ADCY5: variants seen among roughly 807,000 people sequenced by gnomAD.
ADCY5 encodes the protein adenylate cyclase 5, also known as adenylate cyclase type 5.
A neutral mutation model predicts 119.7 loss-of-function variants in ADCY5; 30 were observed. The observed-to-expected ratio is 0.25, with a 90% confidence interval of 0.19 to 0.34. ADCY5 has a LOEUF of 0.34. Ranked by LOEUF, ADCY5 falls within the 10% of genes least tolerant of loss-of-function variation. ADCY5 has a pLI of 1.00. For missense variants in ADCY5, 1,324 were observed against 1,775.2 expected (o/e 0.75, Z 4.57); for synonymous variants, 753 against 762.2 (o/e 0.99, Z 0.20).
intron 2 of ADCY5, among the ~76,000 whole-genome samples, chr3:123,349,830 C>T (rs763696087): frequency 1.3e-5 from 2 of 152,224 alleles, no homozygotes; most frequent in Non-Finnish European, 2.9e-5. Flanking sequence ...CTTTGCTTGT[C>T]TCCAAGCTTG....
intron 3 of ADCY5, among the ~76,000 whole-genome samples, chr3:123,341,856 T>G (rs191854531): frequency 1.3e-5 from 2 of 152,046 alleles, no homozygotes; most frequent in Admixed American, 6.5e-5. Flanking sequence ...AGTAAATGTT[T>G]GTGGAATGAC....
At chr3:123,381,553 T>C (rs1302767467) in intron 1 of ADCY5, among the ~76,000 whole-genome samples, 1 of 152,248 alleles carries the variant, frequency 6.6e-6, no homozygotes, top group Non-Finnish European at 1.5e-5. Flanking sequence ...GCTTCATGCA[T>C]GTGTGATCTG....
At chr3:123,338,225 G>A (rs898677177) in intron 3 of ADCY5, among the ~76,000 whole-genome samples, 6 of 152,190 alleles carry the variant, frequency 3.9e-5, no homozygotes, top group African/African-American at 1.4e-4. Flanking sequence ...CCAGGAAAGA[G>A]CCACTCAAAG....
intron 5 of ADCY5, among the ~76,000 whole-genome samples, chr3:123,329,322 G>T (rs926844391): frequency 6.6e-6 from 1 of 152,190 alleles, no homozygotes; most frequent in Admixed American, 6.5e-5. Context: ...GGTATGGCCT[G>T]CTCAGGAGGG....
intron 14 of ADCY5, 107 bp downstream of exon 14, chr3:123,302,948 G>A (rs1939928412): frequency 5.9e-6 from 8 of 1,359,080 alleles, no homozygotes; most frequent in Non-Finnish European, 6.1e-6. Context: ...AGAAGACAGT[G>A]AGCTGGTGAG....
intron 1 of ADCY5, among the ~76,000 whole-genome samples, chr3:123,441,478 AC>A (rs1384276489): frequency 6.6e-6 from 1 of 152,058 alleles, no homozygotes; most frequent in Non-Finnish European, 1.5e-5. Context: ...GCTGCTGCAA[AC>A]CCAATGGCTA....
chr3:123,380,323 C>T (rs900485236), intron 1 of ADCY5, among the ~76,000 whole-genome samples: 1 of 152,246 alleles, frequency 6.6e-6, no homozygotes, highest in African/African-American at 2.4e-5. Context: ...TGGATTCCAT[C>T]CCATCCCCCA....
chr3:123,324,288 A>G (rs1351348167), intron 8 of ADCY5, among the ~76,000 whole-genome samples: 2 of 151,970 alleles, frequency 1.3e-5, no homozygotes, highest in African/African-American at 4.8e-5. Flanking sequence ...CTGGATTTCC[A>G]GGGAGTCCGT....
At chr3:123,291,702 C>T (rs1939164572) in intron 17 of ADCY5, among the ~76,000 whole-genome samples, 1 of 152,222 alleles carries the variant, frequency 6.6e-6, no homozygotes. Flanking sequence ...AGGATCCTGT[C>T]TGCCAAAGGC....
intron 1 of ADCY5, among the ~76,000 whole-genome samples, chr3:123,396,578 G>T (rs187322774): frequency 0.014 from 1,462 of 106,662 alleles, 11 homozygotes; most frequent in Admixed American, 0.039. Context: ...GGAAGAAAAA[G>T]AAAAGAAAAG....
intron 1 of ADCY5, among the ~76,000 whole-genome samples, chr3:123,425,707 A>AT (rs1945392331): frequency 6.9e-6 from 1 of 145,874 alleles, no homozygotes; most frequent in Non-Finnish European, 1.5e-5. Context: ...GGCCCAGCCC[A>AT]CCCCCCAGTT....
chr3:123,323,293 C>T (rs368525861), intron 8 of ADCY5, among the ~76,000 whole-genome samples: 46 of 152,324 alleles, frequency 3.0e-4, no homozygotes, highest in African/African-American at 1.0e-3. Flanking sequence ...ACAGTCCTGA[C>T]TGCAAATTCT....
rs138063618 is a variant in ADCY5 at position 123,396,668 on chromosome 3, C to T, written c.1135-44087G>A. Among the ~76,000 whole-genome samples the T allele has an allele frequency of 7.6e-3, 881 of 115,322 alleles. 15 individuals carry two copies. Among genetic ancestry groups the T allele is most frequent in the African/African-American group, 0.028 (831 of 29,182 alleles). The allele number at this position is 115,322 out of a possible 152,430, so 75.7% of individuals were successfully genotyped here. Reference sequence around the variant, plus strand: ...ACAGAAAGAGAGAGAGAGGGAAAGACGGAAAATAAGAACAAAAGAAAGAGA... The same window carrying T: ...ACAGAAAGAGAGAGAGAGGGAAAGATGGAAAATAAGAACAAAAGAAAGAGA... On this transcript the variant is annotated intron_variant, in intron 1 of 20. Transcript: ENST00000462833.
chr3:123,302,990 CA>C, intron 14 of ADCY5, 64 bp downstream of exon 14: 2 of 1,561,904 alleles, frequency 1.3e-6, no homozygotes, highest in Non-Finnish European at 1.7e-6. Flanking sequence ...TGAGCAGCTG[CA>C]GTGACAGTGG....
chr3:123,377,250 A>C (rs1320036579), intron 1 of ADCY5, among the ~76,000 whole-genome samples: 1 of 152,192 alleles, frequency 6.6e-6, no homozygotes, highest in Non-Finnish European at 1.5e-5. Context: ...TCCGGGCTCG[A>C]GTCATCTGGC....
At chr3:123,340,780 T>C (rs760983733) in intron 3 of ADCY5, among the ~76,000 whole-genome samples, 3 of 152,064 alleles carry the variant, frequency 2.0e-5, no homozygotes, top group African/African-American at 4.8e-5. Flanking sequence ...AAGCTAAAGA[T>C]AGAATCGCCG....
intron 1 of ADCY5, among the ~76,000 whole-genome samples, chr3:123,397,232 T>C (rs1403899656): frequency 6.6e-6 from 1 of 152,060 alleles, no homozygotes; most frequent in Admixed American, 6.6e-5. Context: ...GGGGGAGGCA[T>C]AGAAATATCC....
In ADCY5 at chr3:123,333,345, C is replaced by CT. The variant is rs541731320; in HGVS notation, c.1407-671dup. Among the ~76,000 whole-genome samples the CT allele has an allele frequency of 5.4e-3, 827 of 152,362 alleles. 2 individuals are homozygous for CT. The highest frequency in any genetic ancestry group is 0.017 in the Middle Eastern group (5 of 294). ...CTGCTGTTGTCTGTAAGCCCCCGTT[C>CT]TTTGGTATTCTCTTAGAGCAGCCTG... On this transcript the variant is annotated intron_variant, in intron 3 of 20. Coordinates refer to ENST00000462833, the MANE Select transcript of ADCY5 (RefSeq NM_183357.3).
intron 2 of ADCY5, among the ~76,000 whole-genome samples, chr3:123,351,616 C>G (rs925126739): frequency 7.2e-5 from 11 of 152,142 alleles, no homozygotes; most frequent in Non-Finnish European, 1.5e-4. Context: ...CACTCTCTCC[C>G]CTAGGCCACA....
Sources: gnomAD v4.1 joint callset for allele counts (sites outside exome capture counted in the v4.1 genomes callset) on GRCh38, gnomAD v4.1.1 for gene constraint, MANE v1.5 for transcripts, NCBI Gene and HGNC (gene_info 2026-07-23, HGNC 2026-07-21) for gene names.